MYH13: variants seen among roughly 807,000 people sequenced by gnomAD.
MYH13 encodes myosin heavy chain 13, also known as myosin-13.
MYH13 carries 177 observed loss-of-function variants against 232.1 expected under a neutral mutation model. That is an observed-to-expected ratio of 0.76 (90% CI 0.67 to 0.86). The LOEUF (loss-of-function observed/expected upper bound fraction) is 0.86, where lower values mean the gene tolerates loss of function less well. MYH13 is among the 40% of genes least tolerant of loss of function. MYH13 has a pLI of 0.00. For synonymous variants in MYH13, 884 were observed against 923.5 expected, an observed-to-expected ratio of 0.96 and a Z score of 0.78; for missense variants, 2,246 against 2,405.9, an observed-to-expected ratio of 0.93 and a Z score of 1.39.
rs374362837 is a variant in MYH13 at position 10,307,071 on chromosome 17, G to T, written c.5170-7C>A. ...TATTTATCAGGCTTGTGTTCTACAA[G>T]AAGAATTAGATATCAGGGGTGTGGG... On this transcript the variant is annotated splice_polypyrimidine_tract_variant and splice_region_variant and intron_variant, in intron 35 of 40. Transcript: ENST00000252172. 1.4e-5 allele frequency: 22 copies of T among 1,606,226 alleles called. No homozygotes were observed. In the South Asian group the frequency reaches 2.2e-4, roughly 16 times the overall value.
At chr17:10,315,305 C>T (rs1198140830) in intron 29 of MYH13, among the ~76,000 whole-genome samples, 2 of 152,138 alleles carry the variant, frequency 1.3e-5, no homozygotes, top group Non-Finnish European at 2.9e-5. Context: ...TTCTTTCTTT[C>T]TTTCTTTAAT....
chr17:10,333,373 G>A (rs984433899), intron 18 of MYH13, among the ~76,000 whole-genome samples, 182 bp from the exon 19 acceptor site: 10 of 152,226 alleles, frequency 6.6e-5, no homozygotes, highest in African/African-American at 2.4e-4. Context: ...AGGTCCCGCA[G>A]TGAAATAATC....
chr17:10,370,772 G>T (rs761012378), intron 2 of MYH13, among the ~76,000 whole-genome samples: 1 of 152,052 alleles, frequency 6.6e-6, no homozygotes, highest in Non-Finnish European at 1.5e-5. Context: ...TTTTATTACC[G>T]CACCGGGCAT....
chr17:10,301,112 C>A, intron 40 of MYH13, 147 bp from the exon 41 acceptor site: 1 of 764,740 alleles, frequency 1.3e-6, no homozygotes, highest in Non-Finnish European at 2.1e-6. Flanking sequence ...ATTGTAAAAG[C>A]AAATCAATCT....
chr17:10,322,458 C>T (rs993454836), intron 23 of MYH13, among the ~76,000 whole-genome samples: 1 of 152,014 alleles, frequency 6.6e-6, no homozygotes, highest in Non-Finnish European at 1.5e-5. Flanking sequence ...TATCAGGAAG[C>T]AGGAGGAGGG....
At chr17:10,321,505 T>A in intron 24 of MYH13, 27 bp downstream of exon 24, 1 of 1,600,614 alleles carries the variant, frequency 6.2e-7, no homozygotes, top group African/African-American at 1.3e-5. Flanking sequence ...TGATAAATGC[T>A]AAAGCATAGT....
intron 9 of MYH13, 38 bp from the exon 10 acceptor site, chr17:10,355,031 GA>G (rs769879340): frequency 6.2e-7 from 1 of 1,610,634 alleles, no homozygotes; most frequent in Non-Finnish European, 8.5e-7. Flanking sequence ...AGGCTCCCAA[GA>G]GATGCTTTTG....
chr17:10,340,348 T>C lies in MYH13; in HGVS notation c.1948A>G (p.Thr650Ala). The change falls in exon 17 of 41, where the codon ACC becomes GCC. Residue 650 changes from threonine to alanine, a missense_variant. By Grantham distance (58) the Thr-to-Ala change is moderately conservative. Coordinates refer to ENST00000252172, the MANE Select transcript of MYH13 (RefSeq NM_003802.3). ...GGKKKGSSFQ[T>A]VSAVFRENLN... is the part of the protein sequence containing the mutation. The stretch of plus-strand genomic sequence containing the variant: ...CCAACCCTGAACACGGCCGACACGG[T>C]CTGGAAAGAGGAGCCCTTCTTCTTC... 1.2e-6 allele frequency: 2 copies of C among 1,613,870 alleles called. No homozygotes were observed. Among genetic ancestry groups the C allele is most frequent in the Non-Finnish European group, 1.7e-6 (2 of 1,179,852 alleles).
intron 15 of MYH13, among the ~76,000 whole-genome samples, chr17:10,344,574 T>A (rs977004337): frequency 2.6e-5 from 4 of 151,856 alleles, no homozygotes; most frequent in Non-Finnish European, 4.4e-5. Context: ...TCCCAGTACT[T>A]TGGGAGGCTG....
chr17:10,321,801 T>C (rs1226103019), intron 23 of MYH13, 93 bp from the exon 24 acceptor site: 1 of 1,221,190 alleles, frequency 8.2e-7, no homozygotes, highest in African/African-American at 1.5e-5. Context: ...ATTTTTCCTT[T>C]TTCCCTTTTC....
In MYH13 at chr17:10,333,195, G is replaced by A; in HGVS notation, c.2057-4C>T. 6.5e-7 allele frequency: 1 copy of A among 1,535,604 alleles called. No individual in the cohort carries two copies. The highest frequency in any genetic ancestry group is 8.8e-7 in the Non-Finnish European group (1 of 1,132,388). On this transcript the variant is annotated splice_region_variant and splice_polypyrimidine_tract_variant and intron_variant, in intron 18 of 40. Transcript: ENST00000252172. Reference sequence around the variant, plus strand: ...ACCAAGTAGTGGTCCATCACACCTGGAGAGAGAACGTCCCGGGGGTGTGCC... The same window carrying A: ...ACCAAGTAGTGGTCCATCACACCTGAAGAGAGAACGTCCCGGGGGTGTGCC...
intron 35 of MYH13, 68 bp from the exon 36 acceptor site, chr17:10,307,132 TG>T: frequency 6.3e-7 from 1 of 1,580,470 alleles, no homozygotes; most frequent in Non-Finnish European, 8.6e-7. Flanking sequence ...GGGAGAGGGT[TG>T]GCTGGGGAGG....
rs775795346 is a variant in MYH13, at chr17:10,321,587, T to C, written c.3056A>G (p.Asp1019Gly). 6.2e-7 allele frequency: 1 copy of C among 1,613,818 alleles called. No individual in the cohort carries two copies. Among genetic ancestry groups the C allele is most frequent in the Non-Finnish European group, 8.5e-7 (1 of 1,179,852 alleles). The change falls in exon 24 of 41, where the codon GAT (aspartate) becomes GGT (glycine). Residue 1019 changes from aspartate (D) to glycine (G), a missense_variant. Coordinates refer to ENST00000252172, the MANE Select transcript of MYH13 (RefSeq NM_003802.3). ...QTLDDLQVEE[D>G]KVNGLIKINA... is the part of the protein sequence containing the mutation. ...TATTTTGATTAGACCATTGACTTTATCTTCTTCCACCTGAAGATCATCCAG... is the reference window on the plus strand; with the variant it reads ...TATTTTGATTAGACCATTGACTTTACCTTCTTCCACCTGAAGATCATCCAG...
intron 3 of MYH13, 89 bp downstream of exon 3, chr17:10,364,238 C>T (rs1258041560): frequency 5.9e-6 from 8 of 1,356,944 alleles, no homozygotes; most frequent in South Asian, 2.6e-5. Flanking sequence ...CTTCAGATTC[C>T]GAAGGACCAG....
chr17:10,346,569 G>A (rs963074932), intron 13 of MYH13, 111 bp downstream of exon 13: 9 of 681,650 alleles, frequency 1.3e-5, no homozygotes, highest in Admixed American at 8.2e-5. Context: ...TCCTCTTAAT[G>A]TGAAAGCTGA....
At chr17:10,336,573 C>A (rs1407772756) in intron 18 of MYH13, among the ~76,000 whole-genome samples, 3 of 152,152 alleles carry the variant, frequency 2.0e-5, no homozygotes, top group African/African-American at 7.2e-5. Flanking sequence ...ACGTCTTTCA[C>A]ATGCAAACCA....
rs1181979577 is a variant in MYH13, at chr17:10,311,239, A to T, written c.4532-12T>A. The stretch of plus-strand genomic sequence containing the variant: ...GTCGGAAATCTCTTCTGCAAAGGAC[A>T]GGCTTGATTTAGGCTGTTTCAACAG... On this transcript the variant is annotated splice_polypyrimidine_tract_variant and intron_variant, in intron 32 of 40. Coordinates refer to ENST00000252172, the MANE Select transcript of MYH13 (RefSeq NM_003802.3). The T allele has an allele frequency of 6.2e-7, 1 of 1,613,818 alleles. No individual in the cohort carries two copies. The highest frequency in any genetic ancestry group is 8.5e-7 in the Non-Finnish European group (1 of 1,179,862).
At chr17:10,312,855 T>C in intron 30 of MYH13, 98 bp from the exon 31 acceptor site, 1 of 1,332,996 alleles carries the variant, frequency 7.5e-7, no homozygotes, top group Admixed American at 2.5e-5. Context: ...TGGAAGGGAC[T>C]GGTGTTTGAT....
chr17:10,356,099 C>T (rs2071747610), intron 8 of MYH13, among the ~76,000 whole-genome samples: 1 of 152,056 alleles, frequency 6.6e-6, no homozygotes. Flanking sequence ...CTTAATTGGT[C>T]CTCAACGACA....
Sources: gnomAD v4.1 joint callset for allele counts (sites outside exome capture counted in the v4.1 genomes callset) on GRCh38, gnomAD v4.1.1 for gene constraint, MANE v1.5 for transcripts, NCBI Gene and HGNC (gene_info 2026-07-23, HGNC 2026-07-21) for gene names.